The following NFASC variants were observed in gnomAD, a reference collection of about 807,000 sequenced individuals.
NFASC encodes the protein neurofascin homolog.
NFASC carries 43 observed loss-of-function variants against 147.5 expected under a neutral mutation model. The ratio of observed to expected loss-of-function variants is 0.29; its 90% CI spans 0.23 to 0.38. NFASC has a LOEUF of 0.38. NFASC is among the 10% of genes least tolerant of loss of function. The probability of loss-of-function intolerance (pLI) is 1.00; values close to 1 mark genes in which losing one functional copy is unlikely to be tolerated. For missense variants in NFASC, 1,320 were observed against 1,689.0 expected, an observed-to-expected ratio of 0.78 and a Z score of 3.83; for synonymous variants, 622 against 665.5, an observed-to-expected ratio of 0.93 and a Z score of 1.01.
chr1:205,005,830 G>A (rs567991882), intron 27 of NFASC, among the ~76,000 whole-genome samples: 3 of 152,240 alleles, frequency 2.0e-5, no homozygotes, highest in South Asian at 2.1e-4. Context: ...TCACCTTTTC[G>A]GTAAGGACGG....
At chr1:204,893,154 G>A (rs2082730489) in intron 1 of NFASC, among the ~76,000 whole-genome samples, 1 of 152,204 alleles carries the variant, frequency 6.6e-6, no homozygotes, top group South Asian at 2.1e-4. Context: ...TGCTTTTCAA[G>A]TCTAGCTGGT....
intron 5 of NFASC, 95 bp downstream of exon 5, chr1:204,952,211 C>T (rs2094165308): frequency 5.2e-6 from 5 of 953,596 alleles, no homozygotes; most frequent in Non-Finnish European, 8.2e-6. Context: ...AAATTGGACT[C>T]ATCCATTCCA....
At chr1:204,942,970 C>G (rs2093463333) in intron 2 of NFASC, among the ~76,000 whole-genome samples, 1 of 152,184 alleles carries the variant, frequency 6.6e-6, no homozygotes, top group African/African-American at 2.4e-5. Flanking sequence ...ATCTCTCGCC[C>G]CCTCAGAGAG....
intron 16 of NFASC, 127 bp from the exon 17 acceptor site, chr1:204,977,554 C>T: frequency 2.8e-6 from 2 of 723,384 alleles, no homozygotes; most frequent in Non-Finnish European, 4.5e-6. Flanking sequence ...AGGACGGGGA[C>T]AGCCCTGCCT....
At position 204,843,642 on chromosome 1, in the gene NFASC, C is replaced by T. The variant is rs992780554; in HGVS notation, c.-200+14860C>T. Among the ~76,000 whole-genome samples the T allele has an allele frequency of 7.1e-5, 8 of 112,096 alleles. No individual in the cohort carries two copies. In the East Asian group the frequency reaches 1.2e-3, roughly 17 times the overall value. The allele number at this position is 112,096 out of a possible 152,430, so 73.5% of individuals were successfully genotyped here. ...TTCCTTCCTTCCTCCCTCCCTCCCT[C>T]CCTCCCTCCCTCCCTTCCTTCCTCC... On this transcript the variant is annotated intron_variant, in intron 1 of 29. Coordinates refer to ENST00000339876, the MANE Select transcript of NFASC (RefSeq NM_001005388.3).
At chr1:204,978,360 C>T (rs972879958) in intron 17 of NFASC, among the ~76,000 whole-genome samples, 3 of 152,138 alleles carry the variant, frequency 2.0e-5, no homozygotes, top group Admixed American at 6.5e-5. Flanking sequence ...CTGCCCTCAC[C>T]CCTGTTTGCA....
chr1:204,887,658 A>G (rs1026403912), intron 1 of NFASC, among the ~76,000 whole-genome samples: 5 of 126,788 alleles, frequency 3.9e-5, no homozygotes, highest in African/African-American at 1.5e-4. Context: ...AGGCTGGGGT[A>G]AGATCATGGC....
At position 205,016,522 on chromosome 1, in the gene NFASC, A is replaced by C; in HGVS notation, c.3706A>C (p.Ile1236Leu). 1.2e-6 allele frequency: 2 copies of C among 1,613,316 alleles called. No individual in the cohort carries two copies. Among genetic ancestry groups the C allele is most frequent in the East Asian group, 2.2e-5 (1 of 44,882 alleles). The change falls in exon 30 of 30, where the codon ATC becomes CTC. Residue 1236 changes from isoleucine to leucine, a missense_variant. Ile to Leu is a conservative substitution (Grantham distance 5). Transcript: ENST00000339876. This position sits in a 1 kb window ranked among gnomAD's most constrained non-coding sequence, Gnocchi z 5.1. ...SSEATSPVNA[I>L]YSLA The stretch of plus-strand genomic sequence containing the variant: ...AGAGGCCACGTCACCTGTCAATGCT[A>C]TCTACTCTCTGGCCTAACGGAGCCC...
chr1:204,950,476 C>T (rs988696213), intron 3 of NFASC, 81 bp from the exon 4 acceptor site: 35 of 1,287,990 alleles, frequency 2.7e-5, no homozygotes, highest in Non-Finnish European at 3.3e-5. Flanking sequence ...TGTGCTGGGG[C>T]GTGAGGATGC....
chr1:205,016,265 C>T lies in NFASC; in HGVS notation c.3492-43C>T. 1 of 1,404,692 alleles carries T rather than the reference C, an allele frequency of 7.1e-7. No individual in the cohort carries two copies. The highest frequency in any genetic ancestry group is 1.0e-6 in the Non-Finnish European group (1 of 990,188). 87.0% of individuals were successfully genotyped at this position (1,404,692 alleles called of 1,614,324 possible). A position where few individuals can be genotyped will look rare whatever the true frequency, so the allele number is the denominator to read the frequency against. On this transcript the variant is annotated intron_variant, in intron 29 of 29. Transcript: ENST00000339876. This position sits in a 1 kb window ranked among gnomAD's most constrained non-coding sequence, Gnocchi z 5.1. ...CATGTGCTGGCAGGAGGCCAGCTGC[C>T]CCATCTCACCCCACCTGAGATTCTC... is the stretch of plus-strand genomic sequence containing the variant.
intron 1 of NFASC, among the ~76,000 whole-genome samples, chr1:204,895,947 C>T (rs2083301188): frequency 6.6e-6 from 1 of 152,174 alleles, no homozygotes; most frequent in Non-Finnish European, 1.5e-5. Flanking sequence ...CCTCCCCAAC[C>T]TGTAAGAGGT....
At chr1:204,840,747 G>T (rs960288724) in intron 1 of NFASC, among the ~76,000 whole-genome samples, 2 of 152,206 alleles carry the variant, frequency 1.3e-5, no homozygotes, top group Admixed American at 1.3e-4. Flanking sequence ...CTCTAAGTGG[G>T]TGTCCAGTGC....
At chr1:204,988,526 T>A in intron 22 of NFASC, 107 bp from the exon 23 acceptor site, 1 of 1,024,240 alleles carries the variant, frequency 9.8e-7, no homozygotes, top group Non-Finnish European at 1.5e-6. Context: ...TGCCATCATT[T>A]CCCTTTCCAG....
intron 1 of NFASC, among the ~76,000 whole-genome samples, chr1:204,848,440 G>A (rs958807385): frequency 1.5e-4 from 23 of 152,164 alleles, no homozygotes; most frequent in African/African-American, 5.5e-4. Context: ...TGCTCAGGCT[G>A]GTCTCAAACT....
At chr1:204,920,577 T>G in intron 1 of NFASC, 55 bp from the exon 2 acceptor site, 1 of 906,702 alleles carries the variant, frequency 1.1e-6, no homozygotes, top group Non-Finnish European at 1.5e-6. Flanking sequence ...GGCTTTTTTT[T>G]TTCTTCCTTT....
In NFASC at chr1:205,009,377, TTTAA is replaced by T. The variant is rs779350447; in HGVS notation, c.3290-176_3290-173del. 9 of 767,350 alleles carry T rather than the reference TTTAA, an allele frequency of 1.2e-5. No individual in the cohort carries two copies. In the South Asian group the frequency reaches 1.2e-4, roughly 11 times the overall value. 47.5% of individuals were successfully genotyped at this position (767,350 alleles called of 1,614,324 possible). On this transcript the variant is annotated intron_variant, in intron 27 of 29. Transcript: ENST00000339876. ...TTTTCTGATCTTTTGACCTTGGCTC[TTTAA>T]TTATTTTCTTTTTGTCCTTTAGCAG... is the stretch of plus-strand genomic sequence containing the variant.
intron 2 of NFASC, among the ~76,000 whole-genome samples, chr1:204,941,972 T>G (rs971987619): frequency 6.6e-6 from 1 of 152,190 alleles, no homozygotes; most frequent in African/African-American, 2.4e-5. Context: ...ATGGTCCAAA[T>G]GGCTTCTTAT....
rs557608550 is a variant in NFASC at position 205,014,733 on chromosome 1, G to C, written c.3492-1575G>C. 2.1e-4 allele frequency among the ~76,000 whole-genome samples: 32 copies of C among 152,282 alleles called. No individual in the cohort carries two copies. The East Asian group carries it at 5.8e-3, about 28-fold the overall frequency. On this transcript the variant is annotated intron_variant, in intron 29 of 29. Transcript: ENST00000339876. ...CCCCGCCCCTTCCACTGGCTGGGCTGTTGCTGCCCAGTGGCTGCACTTAGC... is the reference window on the plus strand; with the variant it reads ...CCCCGCCCCTTCCACTGGCTGGGCTCTTGCTGCCCAGTGGCTGCACTTAGC...
chr1:204,870,966 T>A, intron 1 of NFASC: 52 of 1,280,764 alleles, frequency 4.1e-5, no homozygotes, highest in Non-Finnish European at 5.3e-5. Context: ...CCAGCTGGGA[T>A]GGCCTGGGGC....
Sources: allele counts gnomAD v4.1 joint callset (sites outside exome capture counted in the v4.1 genomes callset), GRCh38; gene constraint gnomAD v4.1.1; non-coding constraint Gnocchi (gnomAD v3.1); transcripts MANE v1.5; gene names NCBI Gene and HGNC (gene_info 2026-07-23, HGNC 2026-07-21).